The following AREL1 variants were observed in gnomAD, a reference collection of about 807,000 sequenced individuals.
AREL1 encodes apoptosis-resistant E3 ubiquitin protein ligase 1.
In AREL1, 62 loss-of-function variants were observed where a neutral mutation model predicts 99.0. The observed-to-expected ratio is 0.63, with a 90% confidence interval of 0.51 to 0.77. The LOEUF is 0.77. AREL1 is among the 30% of genes least tolerant of loss of function. AREL1 has a pLI of 0.00. For synonymous variants in AREL1, 380 were observed against 376.5 expected, an observed-to-expected ratio of 1.01 and a Z score of -0.11; for missense variants, 879 against 1,027.6, an observed-to-expected ratio of 0.86 and a Z score of 1.98.
intron 2 of AREL1, among the ~76,000 whole-genome samples, chr14:74,687,023 C>G (rs2089763343): frequency 6.6e-6 from 1 of 152,158 alleles, no homozygotes; most frequent in Admixed American, 6.5e-5. Flanking sequence ...GCTACGATCT[C>G]TCAAAAAGCA....
Position 74,683,347 on chromosome 14 carries a change from G to A in AREL1, c.430C>T (p.Leu144Phe). 6.2e-7 allele frequency: 1 copy of A among 1,614,144 alleles called. No homozygotes were observed. The highest frequency in any genetic ancestry group is 8.5e-7 in the Non-Finnish European group (1 of 1,180,008). The part of the protein sequence containing the change: ...KAGRYEITVK[L>F]GGLNVAYSPY... ...CTATATGCCACATTTAATCCACCAA[G>A]CTTCACTGTGATTTCATAACGCCCA... The change falls in exon 5 of 20, where the codon CTT becomes TTT. Residue 144 changes from leucine to phenylalanine, a missense_variant. Transcript: ENST00000356357.
intron 1 of AREL1, chr14:74,701,549 C>T (rs2090086216): frequency 6.6e-6 from 1 of 152,182 alleles, no homozygotes; most frequent in African/African-American, 2.4e-5. Context: ...TTATCTCCCA[C>T]TGGATCCCTC....
At chr14:74,711,219 G>T (rs867035983) in intron 1 of AREL1, among the ~76,000 whole-genome samples, 6 of 109,632 alleles carry the variant, frequency 5.5e-5, no homozygotes, top group African/African-American at 2.2e-4. Context: ...TAACAAGAGC[G>T]AAACTAACTC....
Position 74,669,942 on chromosome 14 carries a change from G to A in AREL1, c.1788+5C>T. The A allele has an allele frequency of 6.2e-7, 1 of 1,603,438 alleles. No individual in the cohort carries two copies. The highest frequency in any genetic ancestry group is 8.5e-7 in the Non-Finnish European group (1 of 1,173,894). ...TTAGTAGGAAATGCACACCCAAGAT[G>A]TTACCTTGTAATGCATACGCAGTCC... is the stretch of plus-strand genomic sequence containing the variant. On this transcript the variant is annotated splice_donor_5th_base_variant and intron_variant, in intron 14 of 19. Coordinates refer to ENST00000356357, the MANE Select transcript of AREL1 (RefSeq NM_001039479.2).
chr14:74,686,719 A>G (rs1236289741), intron 2 of AREL1, among the ~76,000 whole-genome samples: 1 of 152,210 alleles, frequency 6.6e-6, no homozygotes, highest in East Asian at 1.9e-4. Context: ...TCTGATAACA[A>G]TATACCCAGT....
intron 18 of AREL1, 101 bp from the exon 19 acceptor site, chr14:74,664,175 G>T (rs1288943887): frequency 7.0e-5 from 92 of 1,312,184 alleles, no homozygotes; most frequent in Non-Finnish European, 9.2e-5. Flanking sequence ...CTGTGCCCCA[G>T]TTACCGTTCT....
intron 11 of AREL1, among the ~76,000 whole-genome samples, chr14:74,672,274 C>T (rs1021712804): frequency 6.6e-6 from 1 of 152,188 alleles, no homozygotes; most frequent in Non-Finnish European, 1.5e-5. Flanking sequence ...CGATAACATA[C>T]CTCCAACAAA....
chr14:74,703,052 A>C (rs1158764254), intron 1 of AREL1, among the ~76,000 whole-genome samples: 1 of 152,168 alleles, frequency 6.6e-6, no homozygotes, highest in Non-Finnish European at 1.5e-5. Context: ...TCTGCCTGTT[A>C]CCCAGTTCCA....
chr14:74,664,068 T>C lies in AREL1; in HGVS notation c.2200A>G (p.Arg734Gly). 6.2e-7 allele frequency: 1 copy of C among 1,613,154 alleles called. No individual in the cohort carries two copies. The highest frequency in any genetic ancestry group is 8.5e-7 in the Non-Finnish European group (1 of 1,179,496). ...CTGGAAACCACAGTCCAAAACCACC[T>C]CATGACCTGGCAGGGAGAGCACAAG... ...GSWHFREKVMRWFWTVVSSLT... is the reference protein window; with the variant it reads ...GSWHFREKVMGWFWTVVSSLT... Residue 734 changes from arginine to glycine, a missense_variant, in exon 19 of 20, where the codon AGG (arginine) becomes GGG (glycine). Physicochemically the swap from Arg to Gly is moderately radical, Grantham distance 125. Transcript: ENST00000356357.
intron 2 of AREL1, among the ~76,000 whole-genome samples, chr14:74,687,115 C>A (rs17183132): frequency 0.23 from 34,333 of 152,118 alleles, 4,042 homozygotes; most frequent in South Asian, 0.31. Context: ...ACTTCCTCAG[C>A]GGGATGCCAT....
At chr14:74,673,685 T>C (rs1044864089) in intron 9 of AREL1, among the ~76,000 whole-genome samples, 1 of 152,212 alleles carries the variant, frequency 6.6e-6, no homozygotes, top group Admixed American at 6.5e-5. Context: ...TTTTAATATA[T>C]GAGAGTGGTG....
intron 1 of AREL1, chr14:74,698,717 C>G (rs75417895): frequency 0.012 from 2,024 of 168,076 alleles, 31 homozygotes; most frequent in Non-Finnish European, 0.014. Context: ...GACAACAGAG[C>G]TGATTACTTA....
chr14:74,678,354 T>G (rs763816610), intron 5 of AREL1: 4 of 366,008 alleles, frequency 1.1e-5, no homozygotes, highest in African/African-American at 2.2e-5. Context: ...AAAAATTAGC[T>G]AAGCACGGTG....
chr14:74,679,945 G>A (rs1419456131), intron 5 of AREL1, among the ~76,000 whole-genome samples: 1 of 152,074 alleles, frequency 6.6e-6, no homozygotes, highest in Non-Finnish European at 1.5e-5. Flanking sequence ...TTGGGGCCAA[G>A]GGGGTGGATC....
chr14:74,674,083 T>G lies in AREL1; in HGVS notation c.1109A>C (p.Lys370Thr). The change falls in exon 9 of 20, where the codon AAG becomes ACG. Residue 370 changes from lysine (K) to threonine (T), a missense_variant. By Grantham distance (78) the Lys-to-Thr change is moderately conservative (BLOSUM62 -1). Transcript: ENST00000356357. ...GGTGTAAAGGCGCCAGGGGATGATCTTCAGGTAGAACTCCTTCACTGAGAA... is the reference window on the plus strand; with the variant it reads ...GGTGTAAAGGCGCCAGGGGATGATCGTCAGGTAGAACTCCTTCACTGAGAA... Reference protein sequence around the residue: ...KQFSVKEFYLKIIPWRLYTFR... With the variant: ...KQFSVKEFYLTIIPWRLYTFR... 6.2e-7 allele frequency: 1 copy of G among 1,613,760 alleles called. No individual in the cohort carries two copies. Among genetic ancestry groups the G allele is most frequent in the Non-Finnish European group, 8.5e-7 (1 of 1,179,752 alleles).
intron 1 of AREL1, among the ~76,000 whole-genome samples, chr14:74,702,672 G>A (rs563803651): frequency 1.3e-5 from 2 of 152,170 alleles, no homozygotes; most frequent in Non-Finnish European, 2.9e-5. Flanking sequence ...TAGCCAGTTT[G>A]AATTTCTCCT....
chr14:74,687,258 G>A (rs983688854), intron 2 of AREL1, among the ~76,000 whole-genome samples: 1 of 152,144 alleles, frequency 6.6e-6, no homozygotes, highest in African/African-American at 2.4e-5. Flanking sequence ...CCAAATGTAT[G>A]GCTTGAGTCA....
At chr14:74,693,292 T>A (rs1231784351) in intron 1 of AREL1, among the ~76,000 whole-genome samples, 1 of 152,204 alleles carries the variant, frequency 6.6e-6, no homozygotes. Flanking sequence ...CATGCTTAAA[T>A]AAAGTTGATT....
At chr14:74,666,718 ATT>A (rs71449202) in intron 17 of AREL1, among the ~76,000 whole-genome samples, 39 of 131,922 alleles carry the variant, frequency 3.0e-4, no homozygotes, top group South Asian at 7.3e-4. Flanking sequence ...CTACTCATTG[ATT>A]TTTTTTTTTT....
Sources: gnomAD v4.1 joint callset for allele counts (sites outside exome capture counted in the v4.1 genomes callset) on GRCh38, gnomAD v4.1.1 for gene constraint, MANE v1.5 for transcripts, NCBI Gene and HGNC (gene_info 2026-07-23, HGNC 2026-07-21) for gene names.